ITIH6: variants seen among roughly 807,000 people sequenced by gnomAD.
The protein encoded by ITIH6 is inter-alpha-trypsin inhibitor heavy chain family member 6.
A neutral mutation model predicts 58.2 loss-of-function variants in ITIH6; 60 were observed. The ratio of observed to expected loss-of-function variants is 1.03; its 90% CI spans 0.84 to 1.28. ITIH6 has a LOEUF of 1.28. Among genes scored for constraint, ITIH6 ranks in the 50% most tolerant of loss-of-function variants. The pLI, the probability that ITIH6 is intolerant of heterozygous loss-of-function variation, is 0.00. For missense variants in ITIH6, 1,290 were observed against 1,021.1 expected (o/e 1.26, Z -3.59); for synonymous variants, 493 against 417.4 (o/e 1.18, Z -2.21).
At chrX:54,776,363 T>C (rs1323843390) in intron 5 of ITIH6, among the ~76,000 whole-genome samples, 1 of 110,538 alleles carries the variant, frequency 9.0e-6, no homozygotes, top group Non-Finnish European at 1.9e-5. Context: ...AAAGACAGCC[T>C]AGACACAAGG....
In ITIH6 at chrX:54,755,004, G is replaced by C. The variant is rs371581977; in HGVS notation, c.3202+13C>G. The C allele has an allele frequency of 2.0e-5, 23 of 1,176,652 alleles. No individual in the cohort carries two copies. Among genetic ancestry groups the C allele is most frequent in the Non-Finnish European group, 2.5e-5 (22 of 864,467 alleles). ...GGCCCAGGGGATCTTTGTCAGGAGA[G>C]CTCCTTGCTCACCTTTTGCTAACCC... is the stretch of plus-strand genomic sequence containing the variant. On this transcript the variant is annotated intron_variant, in intron 9 of 12. Coordinates refer to ENST00000218436, the MANE Select transcript of ITIH6 (RefSeq NM_198510.3).
intron 2 of ITIH6, among the ~76,000 whole-genome samples, chrX:54,794,950 G>C (rs1484670776): frequency 9.0e-6 from 1 of 111,522 alleles, no homozygotes; most frequent in Non-Finnish European, 1.9e-5. Context: ...TCATCTACCA[G>C]GTCTAACAAG....
intron 5 of ITIH6, among the ~76,000 whole-genome samples, chrX:54,783,783 A>T (rs767142178): frequency 1.8e-5 from 2 of 112,092 alleles, no homozygotes; most frequent in Non-Finnish European, 3.8e-5. Context: ...ACAGATTCAA[A>T]GCAATCCCTA....
rs1482159555 is a variant in ITIH6 at position 54,791,993 on chromosome X, G to T, written c.301C>A (p.His101Asn). Reference protein sequence around the residue: ...KVYIAEVKEKHQAKKIYEEAH... With the variant: ...KVYIAEVKEKNQAKKIYEEAH... ...TCTTCATAGATTTTCTTTGCCTGGT[G>T]CTTCTCTTTGACTTCTGCAATGTAG... is the stretch of plus-strand genomic sequence containing the variant. Residue 101 changes from histidine (H) to asparagine (N), a missense_variant, in exon 3 of 13, where the codon CAC becomes AAC. Physicochemically the swap from His to Asn is moderately conservative, Grantham distance 68 (BLOSUM62 1). Transcript: ENST00000218436. 8.3e-7 allele frequency: 1 copy of T among 1,209,078 alleles called. No individual in the cohort carries two copies. The highest frequency in any genetic ancestry group is 1.8e-5 in the South Asian group (1 of 56,882).
intron 6 of ITIH6, among the ~76,000 whole-genome samples, chrX:54,771,848 CA>C (rs1928959086): frequency 1.8e-5 from 2 of 111,754 alleles, no homozygotes; most frequent in Non-Finnish European, 3.8e-5. Context: ...ACAACAACAA[CA>C]GATGCTGGCA....
At chrX:54,781,025 A>G (rs774761172) in intron 5 of ITIH6, among the ~76,000 whole-genome samples, 5 of 111,881 alleles carry the variant, frequency 4.5e-5, no homozygotes, top group East Asian at 2.8e-4. Flanking sequence ...GTGGTGGGAT[A>G]ACAGGCAAGC....
chrX:54,784,978 C>T lies in ITIH6; in HGVS notation c.786+3502G>A, dbSNP rs191432945. Among the ~76,000 whole-genome samples, 10 of 111,697 alleles carry T rather than the reference C, an allele frequency of 9.0e-5. No homozygotes were observed. In the East Asian group the frequency reaches 2.5e-3, roughly 28 times the overall value. ...TCAACAGACGAATGTATAAAGAAAA[C>T]GTGGTGCATATACACAATGGAGTAC... On this transcript the variant is annotated intron_variant, in intron 5 of 12. Transcript: ENST00000218436.
chrX:54,759,316 CT>C lies in ITIH6; in HGVS notation c.1076-319del, dbSNP rs1230838311. ...AGGCTCCCAAGGCTAGCACCCCCCC[CT>C]CCAACCTTCTTGCTACAGGGGAAGA... On this transcript the variant is annotated intron_variant, in intron 7 of 12. Coordinates refer to ENST00000218436, the MANE Select transcript of ITIH6 (RefSeq NM_198510.3). Among the ~76,000 whole-genome samples the C allele has an allele frequency of 6.3e-5, 7 of 111,508 alleles. No individual in the cohort carries two copies. The South Asian group carries it at 1.2e-3, about 18-fold the overall frequency.
intron 6 of ITIH6, among the ~76,000 whole-genome samples, chrX:54,763,044 G>C (rs919741701): frequency 8.9e-6 from 1 of 112,110 alleles, no homozygotes; most frequent in Non-Finnish European, 1.9e-5. Flanking sequence ...GCTAGTCATT[G>C]ATGGACAAGG....
At chrX:54,766,372 C>A (rs1331591439) in intron 6 of ITIH6, among the ~76,000 whole-genome samples, 1 of 80,349 alleles carries the variant, frequency 1.2e-5, no homozygotes, top group Non-Finnish European at 2.4e-5. Flanking sequence ...TAATTGAATA[C>A]CCTTTATTTC....
In ITIH6 at chrX:54,757,050, C is replaced by T; in HGVS notation, c.3024G>A (p.Leu1008=). The T allele has an allele frequency of 8.3e-7, 1 of 1,211,099 alleles. No individual in the cohort carries two copies. The highest frequency in any genetic ancestry group is 1.8e-5 in the South Asian group (1 of 56,775). The change falls in exon 8 of 13, where the codon CTG becomes CTA. Residue 1008 remains leucine, a synonymous_variant. Transcript: ENST00000218436. Reference sequence around the variant, plus strand: ...TGGATTCCACCATTGATTCAGACAGCAGCTCTAGCTCCTCAGGGAGAAGGA... The same window carrying T: ...TGGATTCCACCATTGATTCAGACAGTAGCTCTAGCTCCTCAGGGAGAAGGA... ...SLLLLPEELE[L]LSESMVESKF...
intron 9 of ITIH6, 66 bp downstream of exon 9, chrX:54,754,951 A>G: frequency 2.3e-6 from 2 of 857,182 alleles, no homozygotes; most frequent in South Asian, 2.2e-5. Context: ...CACAATGTCA[A>G]TAAGAATTCT....
intron 8 of ITIH6, 99 bp downstream of exon 8, chrX:54,756,866 C>T: frequency 2.0e-6 from 1 of 492,082 alleles, no homozygotes; most frequent in Non-Finnish European, 3.2e-6. Flanking sequence ...GCAGCTGTCC[C>T]ATCACTGGAG....
At chrX:54,789,091 T>C (rs113986033) in intron 4 of ITIH6, among the ~76,000 whole-genome samples, 7 of 112,356 alleles carry the variant, frequency 6.2e-5, no homozygotes, top group Admixed American at 2.8e-4. Context: ...AGGTCTCCTC[T>C]CATTCCCCCA....
intron 5 of ITIH6, among the ~76,000 whole-genome samples, chrX:54,785,213 G>A: frequency 9.8e-6 from 1 of 102,256 alleles, no homozygotes; most frequent in Non-Finnish European, 2.0e-5. Context: ...GGGGAGTGGG[G>A]TAGCGGGGAG....
At chrX:54,773,807 C>T (rs761080836) in intron 6 of ITIH6, among the ~76,000 whole-genome samples, 3 of 110,726 alleles carry the variant, frequency 2.7e-5, no homozygotes, top group Non-Finnish European at 5.7e-5. Flanking sequence ...GGTGCTCTAG[C>T]TTGAGGGTCC....
intron 6 of ITIH6, among the ~76,000 whole-genome samples, chrX:54,761,287 T>C (rs1928637418): frequency 1.8e-5 from 2 of 112,152 alleles, no homozygotes; most frequent in African/African-American, 3.2e-5. Context: ...ATGGGGTTGT[T>C]CTTTTTTTCT....
chrX:54,768,266 A>G (rs1232869698), intron 6 of ITIH6, among the ~76,000 whole-genome samples: 3 of 59,623 alleles, frequency 5.0e-5, no homozygotes, highest in Non-Finnish European at 8.8e-5. Flanking sequence ...CCATCCTTTT[A>G]TTTTGAGCCT....
At chrX:54,789,084 TCTC>T (rs1448094362) in intron 4 of ITIH6, among the ~76,000 whole-genome samples, 2 of 112,183 alleles carry the variant, frequency 1.8e-5, no homozygotes, top group African/African-American at 6.5e-5. Context: ...AAGGTCTAGG[TCTC>T]CTCTCATTCC....
Sources: gnomAD v4.1 joint callset for allele counts (sites outside exome capture counted in the v4.1 genomes callset) on GRCh38, gnomAD v4.1.1 for gene constraint, MANE v1.5 for transcripts, NCBI Gene and HGNC (gene_info 2026-07-23, HGNC 2026-07-21) for gene names.